ARHGEF19: variants seen among roughly 807,000 people sequenced by gnomAD.
The protein encoded by ARHGEF19 is Rho guanine nucleotide exchange factor (GEF) 19.
A neutral mutation model predicts 87.6 loss-of-function variants in ARHGEF19; 92 were observed. That is an observed-to-expected ratio of 1.05 (90% CI 0.89 to 1.25). ARHGEF19 has a LOEUF of 1.25. ARHGEF19 is among the 50% of genes most tolerant of loss of function. The pLI, the probability that ARHGEF19 is intolerant of heterozygous loss-of-function variation, is 0.00. For missense variants in ARHGEF19, 1,054 were observed against 1,051.8 expected, an observed-to-expected ratio of 1.00 and a Z score of -0.03; for synonymous variants, 438 against 446.2, an observed-to-expected ratio of 0.98 and a Z score of 0.23.
Position 16,206,069 on chromosome 1 carries a change from A to T in ARHGEF19, c.1313T>A (p.Leu438Gln). The change falls in exon 8 of 16, where the codon CTG (leucine) becomes CAG (glutamine). Residue 438 changes from leucine (L) to glutamine (Q), a missense_variant. By Grantham distance (113) the Leu-to-Gln change is moderately radical (BLOSUM62 -2). Coordinates refer to ENST00000270747, the MANE Select transcript of ARHGEF19 (RefSeq NM_153213.5). The surrounding 1 kb of genome is among the most constrained non-coding windows in gnomAD (Gnocchi z 4.6). ...KSTSERFLQD[L>Q]EQRLEADVLR... ...CACATCTGCCTCCAGCCGCTGCTCC[A>T]GGTCCTGCAGGAACCTGAGGAGTCA... is the stretch of plus-strand genomic sequence containing the variant. 1 of 1,580,962 alleles carries T rather than the reference A, an allele frequency of 6.3e-7. No homozygotes were observed. The highest frequency in any genetic ancestry group is 1.3e-5 in the African/African-American group (1 of 74,590).
intron 14 of ARHGEF19, among the ~76,000 whole-genome samples, chr1:16,200,611 G>T (rs907161979): frequency 1.2e-4 from 18 of 152,202 alleles, no homozygotes; most frequent in Non-Finnish European, 2.6e-4. Flanking sequence ...GGGCATGGTG[G>T]CAGGCGCCTA....
chr1:16,208,578 C>T, intron 2 of ARHGEF19, 65 bp downstream of exon 2: 1 of 1,498,610 alleles, frequency 6.7e-7, no homozygotes, highest in Non-Finnish European at 8.9e-7. Flanking sequence ...GGTTAAGGAG[C>T]TGCCCAGCCC....
intron 1 of ARHGEF19, among the ~76,000 whole-genome samples, chr1:16,211,240 T>A (rs1311147736): frequency 6.6e-6 from 1 of 152,122 alleles, no homozygotes; most frequent in African/African-American, 2.4e-5. Flanking sequence ...ACACACATTA[T>A]ATCGCAGGAG....
chr1:16,205,230 C>G lies in ARHGEF19; in HGVS notation c.1657-54G>C. The G allele has an allele frequency of 1.9e-6, 3 of 1,594,248 alleles. No individual in the cohort carries two copies. The highest frequency in any genetic ancestry group is 2.6e-6 in the Non-Finnish European group (3 of 1,169,014). ...AGCCCCTCAGCTCCGGCTCCCAGAG[C>G]CCAGCCTCAGACTCTTGCCTGGGGA... On this transcript the variant is annotated intron_variant, in intron 10 of 15. Transcript: ENST00000270747. This position sits in a 1 kb window ranked among gnomAD's most constrained non-coding sequence, Gnocchi z 5.8.
In ARHGEF19 at chr1:16,205,935, G is replaced by A; in HGVS notation, c.1447C>T (p.Leu483=). The A allele has an allele frequency of 1.2e-6, 2 of 1,607,594 alleles. No homozygotes were observed. The highest frequency in any genetic ancestry group is 1.1e-5 in the South Asian group (1 of 89,868). ...TTTCAGAGCCCCCAGCCCTACAGCAGGCGCTGGTAGGTGCGCTCCTGGTAG... is the reference window on the plus strand; with the variant it reads ...TTTCAGAGCCCCCAGCCCTACAGCAAGCGCTGGTAGGTGCGCTCCTGGTAG... ...QAYQERTYQR[L]LLENPRFPGI... is the part of the protein sequence containing the mutation. Residue 483 remains leucine (L), a synonymous_variant, in exon 8 of 16, where the codon CTG becomes TTG. Transcript: ENST00000270747. The surrounding 1 kb of genome is among the most constrained non-coding windows in gnomAD (Gnocchi z 5.8).
At position 16,206,196 on chromosome 1, in the gene ARHGEF19, T is replaced by C. The variant is rs1440999644; in HGVS notation, c.1282A>G (p.Lys428Glu). 6 of 1,597,582 alleles carry C rather than the reference T, an allele frequency of 3.8e-6. No individual in the cohort carries two copies. Among genetic ancestry groups the C allele is most frequent in the Non-Finnish European group, 5.1e-6 (6 of 1,170,600 alleles). ...CTTCTTCACCTCTCGCTGGTGCTCT[T>C]GACCTCGGGCAGTTTGGAAAACAGC... is the stretch of plus-strand genomic sequence containing the variant. ...QWLFSKLPEV[K>E]STSERFLQDL... The change falls in exon 7 of 16, where the codon AAG (lysine) becomes GAG (glutamate). Residue 428 changes from lysine to glutamate, a missense_variant. Lys to Glu is a moderately conservative substitution (Grantham distance 56). Transcript: ENST00000270747. This position sits in a 1 kb window ranked among gnomAD's most constrained non-coding sequence, Gnocchi z 4.6.
Position 16,206,151 on chromosome 1 carries a change from C to T in ARHGEF19, c.1298+29G>A, listed in dbSNP as rs374955207. 4 of 1,587,072 alleles carry T rather than the reference C, an allele frequency of 2.5e-6. No individual in the cohort carries two copies. The highest frequency in any genetic ancestry group is 3.4e-6 in the Non-Finnish European group (4 of 1,165,188). ...TGGCCAACCACTGGCTCCGTCCCCA[C>T]CCCGGGCCAGGCCAGACCACTTCTT... On this transcript the variant is annotated intron_variant, in intron 7 of 15. Transcript: ENST00000270747. This position sits in a 1 kb window ranked among gnomAD's most constrained non-coding sequence, Gnocchi z 4.6.
In ARHGEF19 at chr1:16,206,805, T is replaced by C; in HGVS notation, c.1137+143A>G. 8.9e-7 allele frequency: 1 copy of C among 1,127,040 alleles called. No homozygotes were observed. Among genetic ancestry groups the C allele is most frequent in the African/African-American group, 1.6e-5 (1 of 60,840 alleles). The allele number at this position is 1,127,040 out of a possible 1,614,324, so 69.8% of individuals were successfully genotyped here. ...CAGACGGCCTCGTGTAGTCAGGTCCTAGAGCCAACCTTCCGCGCGGACAGT... is the reference window on the plus strand; with the variant it reads ...CAGACGGCCTCGTGTAGTCAGGTCCCAGAGCCAACCTTCCGCGCGGACAGT... On this transcript the variant is annotated intron_variant, in intron 6 of 15. Coordinates refer to ENST00000270747, the MANE Select transcript of ARHGEF19 (RefSeq NM_153213.5). The surrounding 1 kb of genome is among the most constrained non-coding windows in gnomAD (Gnocchi z 4.6).
rs760060276 is a variant in ARHGEF19, at chr1:16,207,647, G to A, written c.797+28C>T. On this transcript the variant is annotated intron_variant, in intron 4 of 15. Transcript: ENST00000270747. The surrounding 1 kb of genome is among the most constrained non-coding windows in gnomAD (Gnocchi z 4.0). ...CCCTAGTTCGCCTGCACCCTGTCTC[G>A]GACCCAAGCCCAAACGGGAGGTGGT... 2 of 1,614,020 alleles carry A rather than the reference G, an allele frequency of 1.2e-6. No individual in the cohort carries two copies. Among genetic ancestry groups the A allele is most frequent in the South Asian group, 2.2e-5 (2 of 91,084 alleles).
Position 16,204,839 on chromosome 1 carries a change from G to A in ARHGEF19, c.1827C>T (p.Pro609=), listed in dbSNP as rs1431836618. ...LVELAPLPAA[P]PAKLKLSSKA... ...TGCTGGACAGCTTCAGCTTGGCAGG[G>A]GGTGCTGCAGGCAGTGGTGCCAGCT... The change falls in exon 12 of 16, where the codon CCC becomes CCT. Residue 609 remains proline (P), a synonymous_variant. Coordinates refer to ENST00000270747, the MANE Select transcript of ARHGEF19 (RefSeq NM_153213.5). The A allele has an allele frequency of 6.2e-7, 1 of 1,607,490 alleles. No homozygotes were observed. Among genetic ancestry groups the A allele is most frequent in the Non-Finnish European group, 8.5e-7 (1 of 1,177,062 alleles).
chr1:16,198,588 C>T lies in ARHGEF19; in HGVS notation c.2408G>A (p.Ter803=), dbSNP rs1450223320. The T allele has an allele frequency of 1.1e-5, 17 of 1,605,442 alleles. No homozygotes were observed. Among genetic ancestry groups the T allele is most frequent in the Non-Finnish European group, 1.4e-5 (17 of 1,175,440 alleles). The change falls in exon 16 of 16, where the codon TGA becomes TAA. Residue 803 remains the stop codon, a stop_retained_variant. Coordinates refer to ENST00000270747, the MANE Select transcript of ARHGEF19 (RefSeq NM_153213.5). The surrounding 1 kb of genome is among the most constrained non-coding windows in gnomAD (Gnocchi z 4.1). ...GGGGTCCTAGGCCATGGCTGCCCAT[C>T]ACACAGGAGCCTCCCCCAGTTTGCT... The part of the protein sequence containing the change: ...ATSKLGEAPV[*]
At position 16,209,961 on chromosome 1, in the gene ARHGEF19, T is replaced by C. The variant is rs141635235; in HGVS notation, c.-29-878A>G. Reference sequence around the variant, plus strand: ...CCGGCTTGGAGTGAAAGAGGGGCTGTCCCCCACCCCAGCTTCCAGCCCCTG... The same window carrying C: ...CCGGCTTGGAGTGAAAGAGGGGCTGCCCCCCACCCCAGCTTCCAGCCCCTG... On this transcript the variant is annotated intron_variant, in intron 1 of 15. Transcript: ENST00000270747. Among the ~76,000 whole-genome samples, 1,351 of 152,278 alleles carry C rather than the reference T, an allele frequency of 8.9e-3. 20 individuals are homozygous for C. The highest frequency in any genetic ancestry group is 0.031 in the African/African-American group (1,297 of 41,546).
intron 1 of ARHGEF19, among the ~76,000 whole-genome samples, chr1:16,211,916 C>G (rs1569725005): frequency 6.6e-6 from 1 of 152,246 alleles, no homozygotes; most frequent in African/African-American, 2.4e-5. Flanking sequence ...AAAGAATAAC[C>G]TCCGCCCAAG....
Position 16,205,071 on chromosome 1 carries a change from G to A in ARHGEF19, c.1746+16C>T, listed in dbSNP as rs767553837. The A allele has an allele frequency of 6.3e-7, 1 of 1,592,462 alleles. No individual in the cohort carries two copies. The highest frequency in any genetic ancestry group is 1.1e-5 in the South Asian group (1 of 87,836). On this transcript the variant is annotated intron_variant, in intron 11 of 15. Coordinates refer to ENST00000270747, the MANE Select transcript of ARHGEF19 (RefSeq NM_153213.5). The surrounding 1 kb of genome is among the most constrained non-coding windows in gnomAD (Gnocchi z 5.8). ...TGCCCCTTGGGGTCCCCATCCCGCT[G>A]GCTGCAGACACACACCTTGCCCTCA...
rs778689663 is a variant in ARHGEF19, at chr1:16,207,741, A to T, written c.731T>A (p.Met244Lys). 1 of 1,613,968 alleles carries T rather than the reference A, an allele frequency of 6.2e-7. No individual in the cohort carries two copies. Among genetic ancestry groups the T allele is most frequent in the Non-Finnish European group, 8.5e-7 (1 of 1,180,018 alleles). Residue 244 changes from methionine to lysine, a missense_variant, in exon 4 of 16, where the codon ATG becomes AAG. Met to Lys is a moderately conservative substitution (Grantham distance 95, BLOSUM62 -1). Transcript: ENST00000270747. The surrounding 1 kb of genome is among the most constrained non-coding windows in gnomAD (Gnocchi z 4.0). The stretch of plus-strand genomic sequence containing the variant: ...TGGCCGCGACACCCGGTCCCCGCTC[A>T]TCTCTACACTTCGAGCCTCCATTCC... ...ASGMEARSVE[M>K]SGDRVSRPAP... is the part of the protein sequence containing the mutation.
chr1:16,211,146 A>G (rs1169017084), intron 1 of ARHGEF19, among the ~76,000 whole-genome samples: 1 of 152,132 alleles, frequency 6.6e-6, no homozygotes, highest in Non-Finnish European at 1.5e-5. Context: ...ATAGGATAGT[A>G]TTTTTATTAT....
chr1:16,203,846 A>G (rs1260460485), intron 12 of ARHGEF19, among the ~76,000 whole-genome samples: 1 of 152,154 alleles, frequency 6.6e-6, no homozygotes, highest in Admixed American at 6.5e-5. Flanking sequence ...ACACCCTTAT[A>G]TCAAAACCCT....
chr1:16,202,658 G>A (rs776100477), intron 12 of ARHGEF19, 84 bp from the exon 13 acceptor site: 10 of 1,528,792 alleles, frequency 6.5e-6, no homozygotes, highest in Admixed American at 1.9e-5. Flanking sequence ...GGTTCTGACT[G>A]GAAGTGGGGA....
chr1:16,199,245 T>G lies in ARHGEF19; in HGVS notation c.2156A>C (p.Gln719Pro). The stretch of plus-strand genomic sequence containing the variant: ...CTTGTATGTCCTAACACACTGAACC[T>G]GGGGGCAATCTGACAGCCCAAGGGA... ...EVISEGEDCP[Q>P]VQCVRTYKAL... Residue 719 changes from glutamine to proline, a missense_variant, in exon 15 of 16, where the codon CAG becomes CCG. Gln to Pro is a moderately conservative substitution (Grantham distance 76). Coordinates refer to ENST00000270747, the MANE Select transcript of ARHGEF19 (RefSeq NM_153213.5). 1 of 1,613,652 alleles carries G rather than the reference T, an allele frequency of 6.2e-7. No individual in the cohort carries two copies. The highest frequency in any genetic ancestry group is 8.5e-7 in the Non-Finnish European group (1 of 1,179,824).
Sources: allele counts gnomAD v4.1 joint callset (sites outside exome capture counted in the v4.1 genomes callset), GRCh38; gene constraint gnomAD v4.1.1; non-coding constraint Gnocchi (gnomAD v3.1); transcripts MANE v1.5; gene names NCBI Gene and HGNC (gene_info 2026-07-23, HGNC 2026-07-21).